The following MTCL1 variants were observed in gnomAD, a reference collection of about 807,000 sequenced individuals.
The protein encoded by MTCL1 is microtubule crosslinking factor 1.
A neutral mutation model predicts 141.4 loss-of-function variants in MTCL1; 79 were observed. The ratio of observed to expected loss-of-function variants is 0.56; its 90% CI spans 0.47 to 0.67. The LOEUF (loss-of-function observed/expected upper bound fraction) is 0.67, where lower values mean the gene tolerates loss of function less well. Among genes scored for constraint, MTCL1 ranks in the 30% least tolerant of loss-of-function variants. The probability of loss-of-function intolerance (pLI) is 0.00; values close to 1 mark genes in which losing one functional copy is unlikely to be tolerated. For missense variants in MTCL1, 2,177 were observed against 2,113.9 expected (o/e 1.03, Z -0.59); for synonymous variants, 914 against 875.8 (o/e 1.04, Z -0.77).
intron 4 of MTCL1, among the ~76,000 whole-genome samples, chr18:8,774,676 CAG>C (rs1282287827): frequency 1.3e-5 from 2 of 152,196 alleles, no homozygotes; most frequent in Non-Finnish European, 2.9e-5. Flanking sequence ...TTAGTAGAGA[CAG>C]AGTTTCACCG....
Position 8,822,665 on chromosome 18 carries a change from T to C in MTCL1, c.3188+1167T>C, listed in dbSNP as rs1476079817. ...ACTGCTTTGTGCCTCAGTTTCCTCA[T>C]CTGTATACAGGACGTATTTTGATTA... On this transcript the variant is annotated intron_variant, in intron 14 of 16. Coordinates refer to ENST00000359865, the Ensembl canonical transcript of MTCL1. This position sits in a 1 kb window ranked among gnomAD's most constrained non-coding sequence, Gnocchi z 4.6. 1.3e-5 allele frequency among the ~76,000 whole-genome samples: 2 copies of C among 152,158 alleles called. No homozygotes were observed. Among genetic ancestry groups the C allele is most frequent in the African/African-American group, 4.8e-5 (2 of 41,416 alleles).
rs2096057286 is a variant in MTCL1, at chr18:8,705,948, CCT to C, written c.294_295del (p.Arg99AlafsTer115). 2.7e-6 allele frequency: 3 copies of C among 1,103,544 alleles called. No homozygotes were observed. Among genetic ancestry groups the C allele is most frequent in the Admixed American group, 5.1e-5 (1 of 19,570 alleles). The allele number at this position is 1,103,544 out of a possible 1,614,324, so 68.4% of individuals were successfully genotyped here. Reference sequence around the variant, plus strand: ...CGGGGTCCCTGGCCGCGCCCGGCCGCCTCTCTCGGCGCAGTGGCGGCGTCCCG... The same window carrying C: ...CGGGGTCCCTGGCCGCGCCCGGCCGCCTCTCGGCGCAGTGGCGGCGTCCCG... On this transcript the variant is annotated frameshift_variant, in exon 1 of 14. Coordinates refer to the MTCL1 transcript ENST00000306329. LOFTEE classifies it high-confidence loss of function. The surrounding 1 kb of genome is among the most constrained non-coding windows in gnomAD (Gnocchi z 5.2).
Position 8,830,843 on chromosome 18 carries a change from C to G in MTCL1, c.*19-764C>G. ...CAAGGAGCTCAACATTCTTTAAAAA[C>G]AAAGTAGCTTGAGAATAAGGATTCT... On this transcript the variant is annotated intron_variant, in intron 16 of 16. Coordinates refer to ENST00000359865, the Ensembl canonical transcript of MTCL1. The surrounding 1 kb of genome is among the most constrained non-coding windows in gnomAD (Gnocchi z 6.4). 4 of 985,444 alleles carry G rather than the reference C, an allele frequency of 4.1e-6. No individual in the cohort carries two copies. Among genetic ancestry groups the G allele is most frequent in the Non-Finnish European group, 4.8e-6 (4 of 829,940 alleles). 61.0% of individuals were successfully genotyped at this position (985,444 alleles called of 1,614,324 possible).
exon 17 of MTCL1, chr18:8,832,605 C>A (rs2077216993): frequency 6.6e-6 from 1 of 152,158 alleles, no homozygotes; most frequent in Non-Finnish European, 1.5e-5. Context: ...ACAGCAACAC[C>A]ATTTTTAAAT....
At position 8,706,535 on chromosome 18, in the gene MTCL1, G is replaced by C. The variant is rs1245540190; in HGVS notation, c.875G>C (p.Gly292Ala). 13 of 1,376,850 alleles carry C rather than the reference G, an allele frequency of 9.4e-6. No homozygotes were observed. The East Asian group carries it at 3.7e-4, about 39-fold the overall frequency. The allele number at this position is 1,376,850 out of a possible 1,614,324, so 85.3% of individuals were successfully genotyped here. A position where few individuals can be genotyped will look rare whatever the true frequency, so the allele number is the denominator to read the frequency against. ...AGCATCCCGAGCGGGGTTTCGGGGG[G>C]TTTCGCGGGGCCCGGCGTGGCGGAG... Residue 292 changes from glycine to alanine, a missense_variant, in exon 1 of 14, where the codon GGT (glycine) becomes GCT (alanine). Coordinates refer to the MTCL1 transcript ENST00000306329.
exon 17 of MTCL1, chr18:8,831,780 C>T (rs1448486874): frequency 2.3e-5 from 35 of 1,548,770 alleles, no homozygotes; most frequent in Non-Finnish European, 2.7e-5. Context: ...AGGAGCCGCC[C>T]GAGGAGCAGC....
At chr18:8,797,343 T>C (rs968593188) in intron 9 of MTCL1, among the ~76,000 whole-genome samples, 1 of 152,252 alleles carries the variant, frequency 6.6e-6, no homozygotes, top group Admixed American at 6.5e-5. Context: ...TATATGTTCT[T>C]CCTGTTATGC....
At chr18:8,720,480 T>A in exon 4 of MTCL1, 1 of 1,613,994 alleles carries the variant, frequency 6.2e-7, no homozygotes. Context: ...CAGAATGAGC[T>A]GGAGAGACTG....
chr18:8,749,115 C>G (rs1489367617), intron 4 of MTCL1, among the ~76,000 whole-genome samples: 1 of 152,206 alleles, frequency 6.6e-6, no homozygotes, highest in Non-Finnish European at 1.5e-5. Context: ...AAAGGTGGAG[C>G]CTTCGATCAG....
chr18:8,801,116 C>T (rs1453307835), intron 10 of MTCL1, among the ~76,000 whole-genome samples: 1 of 152,122 alleles, frequency 6.6e-6, no homozygotes, highest in Non-Finnish European at 1.5e-5. Context: ...CGGGGGCTGC[C>T]TGAGAAGTCA....
chr18:8,775,389 G>A (rs941009301), intron 4 of MTCL1, among the ~76,000 whole-genome samples: 2 of 147,398 alleles, frequency 1.4e-5, no homozygotes, highest in Non-Finnish European at 1.5e-5. Context: ...TGGCCAACAT[G>A]GTGAAACCTC....
intron 4 of MTCL1, among the ~76,000 whole-genome samples, chr18:8,745,775 A>T (rs994637597): frequency 6.6e-6 from 1 of 152,172 alleles, no homozygotes; most frequent in Non-Finnish European, 1.5e-5. Flanking sequence ...ACCATCTTTA[A>T]GTTGCAGTGC....
intron 9 of MTCL1, among the ~76,000 whole-genome samples, chr18:8,797,443 C>T (rs1011019835): frequency 1.3e-5 from 2 of 152,238 alleles, no homozygotes; most frequent in African/African-American, 4.8e-5. Flanking sequence ...GCCGTTTGCA[C>T]TGCAGGCTCC....
chr18:8,757,641 C>G (rs2096408935), intron 4 of MTCL1, among the ~76,000 whole-genome samples: 2 of 152,138 alleles, frequency 1.3e-5, no homozygotes, highest in South Asian at 4.1e-4. Flanking sequence ...GGCCGTGTCC[C>G]CTTGCAGAAG....
Position 8,828,992 on chromosome 18 carries a change from C to T in MTCL1, c.*18+28C>T. ...AAGTGCTTCCTTCCTTGTTTCCCAA[C>T]TGTCTGGAGAGGTCGTGTTGTGTAA... On this transcript the variant is annotated intron_variant, in intron 16 of 16. Coordinates refer to ENST00000359865, the Ensembl canonical transcript of MTCL1. This position sits in a 1 kb window ranked among gnomAD's most constrained non-coding sequence, Gnocchi z 5.2. The T allele has an allele frequency of 1.2e-6, 2 of 1,614,132 alleles. No homozygotes were observed. Among genetic ancestry groups the T allele is most frequent in the Non-Finnish European group, 1.7e-6 (2 of 1,179,998 alleles).
chr18:8,769,547 A>G (rs888793666), intron 4 of MTCL1, among the ~76,000 whole-genome samples: 3 of 152,164 alleles, frequency 2.0e-5, no homozygotes, highest in African/African-American at 4.8e-5. Context: ...AAATGAGCCA[A>G]CCAGCTCATA....
chr18:8,809,354 C>CTGTTA, intron 11 of MTCL1: 1 of 1,441,316 alleles, frequency 6.9e-7, no homozygotes, highest in Non-Finnish European at 9.3e-7. Flanking sequence ...TAAACATAGG[C>CTGTTA]AACAAGCCCA....
rs1181141224 is a variant in MTCL1, at chr18:8,783,681, C to T, written c.569C>T (p.Pro190Leu). Residue 190 changes from proline to leucine, a missense_variant, in exon 6 of 17, where the codon CCC becomes CTC. Pro to Leu is a moderately conservative substitution (Grantham distance 98, BLOSUM62 -3). Transcript: ENST00000359865. The stretch of plus-strand genomic sequence containing the variant: ...TCCCTCTATGGGGATGTGGACAGTC[C>T]CCTGCCCACGGGGGAAGCAGGCGGG... 7 of 1,610,806 alleles carry T rather than the reference C, an allele frequency of 4.3e-6. No individual in the cohort carries two copies. The South Asian group carries it at 6.6e-5, about 15-fold the overall frequency.
At chr18:8,781,179 C>CAAAAAA (rs56370900) in intron 5 of MTCL1, among the ~76,000 whole-genome samples, 1 of 67,382 alleles carries the variant, frequency 1.5e-5, no homozygotes, top group African/African-American at 5.5e-5. Context: ...GACTCCATCT[C>CAAAAAA]AAAAAAAAAA....
Sources: gnomAD v4.1 joint callset for allele counts (sites outside exome capture counted in the v4.1 genomes callset) on GRCh38, gnomAD v4.1.1 for gene constraint, Gnocchi (gnomAD v3.1) non-coding constraint, MANE v1.5 for transcripts, NCBI Gene and HGNC (gene_info 2026-07-23, HGNC 2026-07-21) for gene names.